The following FHIP2B variants were observed in gnomAD, a reference collection of about 807,000 sequenced individuals.
The protein encoded by FHIP2B is FHF complex subunit HOOK-interacting protein 2B.
FHIP2B carries 72 observed loss-of-function variants against 84.0 expected under a neutral mutation model. The ratio of observed to expected loss-of-function variants is 0.86; its 90% CI spans 0.71 to 1.04. The LOEUF (loss-of-function observed/expected upper bound fraction) is 1.04. FHIP2B is among the 50% of genes least tolerant of loss of function. The pLI is 0.00. For missense variants in FHIP2B, 972 were observed against 968.9 expected (o/e 1.00, Z -0.04); for synonymous variants, 497 against 418.7 (o/e 1.19, Z -2.28).
intron 7 of FHIP2B, 93 bp downstream of exon 7, chr8:22,098,712 G>T: frequency 1.5e-6 from 2 of 1,314,970 alleles, no homozygotes; most frequent in South Asian, 3.0e-5. Context: ...GTTCCACGTT[G>T]CTAGGGACCC....
intron 12 of FHIP2B, 190 bp from the exon 13 acceptor site, chr8:22,101,250 T>C: frequency 1.6e-6 from 1 of 634,112 alleles, no homozygotes; most frequent in African/African-American, 1.8e-5. Context: ...CTCGAACTCC[T>C]GACCTCAGGT....
At chr8:22,101,385 G>A in intron 12 of FHIP2B, 55 bp from the exon 13 acceptor site, 1 of 1,413,044 alleles carries the variant, frequency 7.1e-7, no homozygotes, top group African/African-American at 1.4e-5. Context: ...GGTCCCACAA[G>A]CAGGGGAGAG....
chr8:22,092,549 C>G (rs6557793), intron 1 of FHIP2B, among the ~76,000 whole-genome samples: 90,499 of 147,770 alleles, frequency 0.61, 27,765 homozygotes, highest in Admixed American at 0.7. Context: ...ACTCTAGCCT[C>G]AGTGACGGTG....
intron 1 of FHIP2B, among the ~76,000 whole-genome samples, chr8:22,092,296 A>G (rs374967123): frequency 1.2e-4 from 19 of 152,196 alleles, no homozygotes; most frequent in East Asian, 7.7e-4. Context: ...GAAGGTGCCA[A>G]TGGCCGGGTG....
chr8:22,101,561 C>G (rs1173690707), intron 13 of FHIP2B, 31 bp downstream of exon 13: 1 of 1,598,546 alleles, frequency 6.3e-7, no homozygotes, highest in Non-Finnish European at 8.5e-7. Context: ...GCTCCCACTT[C>G]CTGTCCTTCA....
At chr8:22,096,753 C>A in intron 3 of FHIP2B, 1 of 481,266 alleles carries the variant, frequency 2.1e-6, no homozygotes, top group East Asian at 3.8e-5. Flanking sequence ...GAGGAGCAAA[C>A]AGGACGGGCA....
chr8:22,103,174 G>A lies in FHIP2B; in HGVS notation c.*243G>A, dbSNP rs1826221905. 3.6e-6 allele frequency: 2 copies of A among 557,164 alleles called. No individual in the cohort carries two copies. Among genetic ancestry groups the A allele is most frequent in the Admixed American group, 6.5e-5 (2 of 30,642 alleles). The allele number at this position is 557,164 out of a possible 1,614,324, so 34.5% of individuals were successfully genotyped here. On this transcript the variant is annotated 3_prime_UTR_variant, in exon 17 of 17. Transcript: ENST00000289921. ...CTTGGGGCCTTCTTGGAGGAGCTTG[G>A]GTGACAGCCAGGTGAGCACCCAGAC...
At chr8:22,101,132 T>G (rs1826089857) in intron 12 of FHIP2B, 160 bp downstream of exon 12, 1 of 917,436 alleles carries the variant, frequency 1.1e-6, no homozygotes. Flanking sequence ...AAGCGATTCC[T>G]GTGCCTCAGC....
At chr8:22,092,301 C>T (rs948576353) in intron 1 of FHIP2B, among the ~76,000 whole-genome samples, 4 of 152,144 alleles carry the variant, frequency 2.6e-5, no homozygotes, top group Admixed American at 6.6e-5. Flanking sequence ...TGCCAATGGC[C>T]GGGTGTGGTG....
intron 2 of FHIP2B, 100 bp from the exon 3 acceptor site, chr8:22,096,237 C>A: frequency 1.6e-6 from 2 of 1,221,060 alleles, no homozygotes; most frequent in Non-Finnish European, 2.2e-6. Flanking sequence ...CTCTCCCAGA[C>A]AGGACCTCCC....
chr8:22,091,767 G>A (rs895914175), intron 1 of FHIP2B, among the ~76,000 whole-genome samples: 1 of 152,168 alleles, frequency 6.6e-6, no homozygotes, highest in Non-Finnish European at 1.5e-5. Flanking sequence ...CCAATTTTGA[G>A]GCTAAAGGAG....
rs909085947 is a variant in FHIP2B, at chr8:22,096,525, C to T, written c.297+16C>T. 1.4e-5 allele frequency: 21 copies of T among 1,501,726 alleles called. No individual in the cohort carries two copies. Among genetic ancestry groups the T allele is most frequent in the Middle Eastern group, 1.9e-4 (1 of 5,298 alleles). The allele number at this position is 1,501,726 out of a possible 1,614,324, so 93.0% of individuals were successfully genotyped here. ...CAAGGCCGAGGTGGGAGGCCCTCTGCGCGCTGGGCCAGGCCGAGGTGGGAG... is the reference window on the plus strand; with the variant it reads ...CAAGGCCGAGGTGGGAGGCCCTCTGTGCGCTGGGCCAGGCCGAGGTGGGAG... On this transcript the variant is annotated intron_variant, in intron 3 of 16. Coordinates refer to ENST00000289921, the MANE Select transcript of FHIP2B (RefSeq NM_022749.7).
rs368864056 is a variant in FHIP2B at position 22,100,677 on chromosome 8, C to A, written c.1425C>A (p.Asn475Lys). 1 of 1,607,444 alleles carries A rather than the reference C, an allele frequency of 6.2e-7. No individual in the cohort carries two copies. Among genetic ancestry groups the A allele is most frequent in the Admixed American group, 1.7e-5 (1 of 59,220 alleles). Residue 475 changes from asparagine (N) to lysine (K), a missense_variant, in exon 11 of 17, where the codon AAC becomes AAA. Physicochemically the swap from Asn to Lys is moderately conservative, Grantham distance 94. Transcript: ENST00000289921. ...TCATCCACAGCCTGGTCCTGCGCAA[C>A]CTTGAGGGCCGCCCTTACGTGGCCT... ...EGIIHSLVLR[N>K]LEGRPYVAWG... is the part of the protein sequence containing the mutation.
rs761308865 is a variant in FHIP2B, at chr8:22,098,551, G to A, written c.897G>A (p.Gln299=). ...CTGCGATCGTCCGGCACCTTTGCCA[G>A]TTGTACCGGTCCATGCCTGTCTTCC... ...CCPAIVRHLC[Q]LYRSMPVFLD... is the part of the protein sequence containing the mutation. Residue 299 remains glutamine (Q), a synonymous_variant, in exon 7 of 17, where the codon CAG becomes CAA. Coordinates refer to ENST00000289921, the MANE Select transcript of FHIP2B (RefSeq NM_022749.7). 1.6e-4 allele frequency: 252 copies of A among 1,611,510 alleles called. No individual in the cohort carries two copies. The highest frequency in any genetic ancestry group is 2.0e-4 in the Non-Finnish European group (241 of 1,179,072).
At position 22,100,622 on chromosome 8, in the gene FHIP2B, A is replaced by C. The variant is rs759529036; in HGVS notation, c.1370A>C (p.Glu457Ala). The C allele has an allele frequency of 6.3e-7, 1 of 1,583,128 alleles. No homozygotes were observed. The highest frequency in any genetic ancestry group is 8.6e-7 in the Non-Finnish European group (1 of 1,164,652). Residue 457 changes from glutamate (E) to alanine (A), a missense_variant, in exon 11 of 17, where the codon GAG becomes GCG. Glu to Ala is a moderately radical substitution (Grantham distance 107, BLOSUM62 -1). Coordinates refer to ENST00000289921, the MANE Select transcript of FHIP2B (RefSeq NM_022749.7). ...AGCATCACCACACTCCGGCTGTTTG[A>C]GGAGCTGCTGCAGAAGCCCCACGAG... Reference protein sequence around the residue: ...EISITTLRLFEELLQKPHEGI... With the variant: ...EISITTLRLFAELLQKPHEGI...
intron 12 of FHIP2B, 52 bp downstream of exon 12, chr8:22,101,024 T>C (rs1826083087): frequency 6.4e-7 from 1 of 1,555,100 alleles, no homozygotes; most frequent in Admixed American, 1.9e-5. Flanking sequence ...TTTATTTTAT[T>C]TTATTTTTTG....
chr8:22,090,562 C>A (rs1261525196), intron 1 of FHIP2B, among the ~76,000 whole-genome samples: 1 of 152,198 alleles, frequency 6.6e-6, no homozygotes, highest in African/African-American at 2.4e-5. Flanking sequence ...CTGGGGAACA[C>A]TCCATTTACA....
rs772216756 is a variant in FHIP2B at position 22,101,424 on chromosome 8, G to C, written c.1617-16G>C. The C allele has an allele frequency of 1.9e-6, 3 of 1,596,176 alleles. No homozygotes were observed. The highest frequency in any genetic ancestry group is 2.7e-5 in the African/African-American group (2 of 74,564). ...GGTGAGCCGGGAGCGCCTCCACACC[G>C]GCTTCTATCTCTCAGTTTCCTGTGC... On this transcript the variant is annotated splice_polypyrimidine_tract_variant and intron_variant, in intron 12 of 16. Coordinates refer to ENST00000289921, the MANE Select transcript of FHIP2B (RefSeq NM_022749.7).
Position 22,104,026 on chromosome 8 carries a change from C to T in FHIP2B, c.*1095C>T. The T allele has an allele frequency of 6.6e-6, 1 of 152,592 alleles. No individual in the cohort carries two copies. The highest frequency in any genetic ancestry group is 1.9e-4 in the East Asian group (1 of 5,192). 9.5% of individuals were successfully genotyped at this position (152,592 alleles called of 1,614,324 possible). A position where few individuals can be genotyped will look rare whatever the true frequency, so the allele number is the denominator to read the frequency against. On this transcript the variant is annotated 3_prime_UTR_variant, in exon 17 of 17. Transcript: ENST00000289921. ...TGCTCCTGGGCAAGGAGGAGCAGGC[C>T]AGAGCCTCTTTTGCTTCCTTTTCTT...
Sources: allele counts gnomAD v4.1 joint callset (sites outside exome capture counted in the v4.1 genomes callset), GRCh38; gene constraint gnomAD v4.1.1; transcripts MANE v1.5; gene names NCBI Gene and HGNC (gene_info 2026-07-23, HGNC 2026-07-21).